The following CEP15 variants were observed in gnomAD, a reference collection of about 807,000 sequenced individuals.
CEP15 encodes centrosomal protein 15 kDa.
chr3:62,323,843 A>G, the CEP15 span: 1 of 152,210 alleles, frequency 6.6e-6, no homozygotes, highest in Non-Finnish European at 1.5e-5. Context: ...CATACCTTCC[A>G]TATCATCCTA....
At chr3:62,334,421 G>A in the CEP15 span, 6 of 151,986 alleles carry the variant, frequency 3.9e-5, no homozygotes, top group African/African-American at 1.2e-4. The surrounding 1 kb of genome is among the most constrained non-coding windows in gnomAD (Gnocchi z 4.9). Context: ...ATATTGAAAC[G>A]TCCGTTGTGC....
chr3:62,320,831 G>A, the CEP15 span, among the ~76,000 whole-genome samples: 1 of 152,082 alleles, frequency 6.6e-6, no homozygotes, highest in African/African-American at 2.4e-5. Flanking sequence ...CTGGCTTCTT[G>A]GGTATGTGAC....
At chr3:62,322,468 T>A in the CEP15 span, 2 of 163,748 alleles carry the variant, frequency 1.2e-5, no homozygotes, top group African/African-American at 4.8e-5. This position sits in a 1 kb window ranked among gnomAD's most constrained non-coding sequence, Gnocchi z 5.5. Context: ...CAAGAACAAT[T>A]TGATTTTGTC....
the CEP15 span, chr3:62,335,161 G>A: frequency 6.6e-6 from 1 of 151,950 alleles, no homozygotes; most frequent in African/African-American, 2.4e-5. Context: ...ATCACCAGTG[G>A]GTTAGATAAA....
the CEP15 span, among the ~76,000 whole-genome samples, chr3:62,324,883 T>C: frequency 2.0e-5 from 3 of 152,228 alleles, no homozygotes; most frequent in African/African-American, 7.2e-5. Flanking sequence ...TAAAAAGGAA[T>C]GAGCTTTCAC....
At chr3:62,328,494 C>G in the CEP15 span, among the ~76,000 whole-genome samples, 1 of 152,246 alleles carries the variant, frequency 6.6e-6, no homozygotes. Flanking sequence ...TTAGATTTGT[C>G]ACATTTGGTT....
At chr3:62,320,490 C>A in the CEP15 span, 12 of 1,611,976 alleles carry the variant, frequency 7.4e-6, no homozygotes, top group Non-Finnish European at 1.0e-5. Context: ...CTTGTTTGCT[C>A]AAGAAATTCG....
the CEP15 span, chr3:62,331,376 C>T: frequency 2.7e-5 from 44 of 1,612,812 alleles, no homozygotes; most frequent in Admixed American, 6.7e-5. Context: ...CCCACTTCCA[C>T]GGCCTGAGGT....
chr3:62,320,570 C>A, the CEP15 span: 1 of 1,464,228 alleles, frequency 6.8e-7, no homozygotes, highest in South Asian at 1.2e-5. Flanking sequence ...ATTGGACTGG[C>A]TTTGTTAGTG....
the CEP15 span, chr3:62,333,193 A>G: frequency 1.4e-5 from 22 of 1,549,806 alleles, no homozygotes; most frequent in African/African-American, 2.7e-5. The surrounding 1 kb of genome is among the most constrained non-coding windows in gnomAD (Gnocchi z 4.0). Flanking sequence ...CATTTAGACT[A>G]TTATGAAGAG....
the CEP15 span, chr3:62,331,269 G>A: frequency 1.4e-5 from 20 of 1,467,150 alleles, no homozygotes; most frequent in East Asian, 4.5e-4. Context: ...GCTAGTACAG[G>A]TGCCATTTGT....
At chr3:62,321,128 C>G in the CEP15 span, among the ~76,000 whole-genome samples, 2 of 152,104 alleles carry the variant, frequency 1.3e-5, no homozygotes, top group African/African-American at 4.8e-5. The surrounding 1 kb of genome is among the most constrained non-coding windows in gnomAD (Gnocchi z 4.1). Flanking sequence ...CACAGTGTTT[C>G]TTGAGAACCT....
the CEP15 span, chr3:62,320,571 T>G: frequency 6.9e-7 from 1 of 1,459,640 alleles, no homozygotes; most frequent in East Asian, 2.3e-5. Flanking sequence ...TTGGACTGGC[T>G]TTGTTAGTGA....
chr3:62,327,160 T>C, the CEP15 span, among the ~76,000 whole-genome samples: 1 of 152,256 alleles, frequency 6.6e-6, no homozygotes, highest in Non-Finnish European at 1.5e-5. Flanking sequence ...ATTACATCTC[T>C]GACGTATCAT....
chr3:62,319,063 G>C, the CEP15 span: 1 of 152,480 alleles, frequency 6.6e-6, no homozygotes, highest in Non-Finnish European at 1.5e-5. Context: ...TCGGTGAGTG[G>C]AGTCGGACAG....
the CEP15 span, among the ~76,000 whole-genome samples, chr3:62,322,772 A>T: frequency 6.6e-5 from 10 of 152,202 alleles, no homozygotes; most frequent in Admixed American, 6.5e-4. The surrounding 1 kb of genome is among the most constrained non-coding windows in gnomAD (Gnocchi z 5.5). Context: ...TTAAGTTATA[A>T]AGCAGTGTTT....
chr3:62,335,607 C>G, the CEP15 span: 1 of 152,048 alleles, frequency 6.6e-6, no homozygotes, highest in East Asian at 1.9e-4. Flanking sequence ...TATATTTTTT[C>G]TACAATTAGT....
chr3:62,329,248 T>C, the CEP15 span, among the ~76,000 whole-genome samples: 1 of 152,102 alleles, frequency 6.6e-6, no homozygotes, highest in Non-Finnish European at 1.5e-5. Context: ...GTATAGAGCA[T>C]AGGTATCTGA....
the CEP15 span, chr3:62,331,234 G>T: frequency 1.9e-6 from 2 of 1,062,044 alleles, no homozygotes; most frequent in African/African-American, 1.6e-5. Flanking sequence ...AAGAGTTGAG[G>T]TGAGAGATTT....
Sources: gnomAD v4.1 joint callset for allele counts (sites outside exome capture counted in the v4.1 genomes callset) on GRCh38, gnomAD v4.1.1 for gene constraint, Gnocchi (gnomAD v3.1) non-coding constraint, MANE v1.5 for transcripts, NCBI Gene and HGNC (gene_info 2026-07-23, HGNC 2026-07-21) for gene names.